Variants in WWOX observed in about 807,000 individuals in gnomAD.
WWOX encodes WW domain-containing oxidoreductase.
A neutral mutation model predicts 46.2 loss-of-function variants in WWOX; 69 were observed. The ratio of observed to expected loss-of-function variants is 1.49; its 90% CI spans 1.23 to 1.82. The LOEUF (loss-of-function observed/expected upper bound fraction) is 1.82. WWOX is among the 40% of genes most tolerant of loss of function. WWOX has a pLI of 0.00. For synonymous variants in WWOX, 359 were observed against 202.6 expected, an observed-to-expected ratio of 1.77 and a Z score of -6.56; for missense variants, 919 against 542.6, an observed-to-expected ratio of 1.69 and a Z score of -6.89.
chr16:79,004,911 T>G (rs2047162210), intron 8 of WWOX, among the ~76,000 whole-genome samples: 2 of 152,178 alleles, frequency 1.3e-5, no homozygotes, highest in African/African-American at 2.4e-5. Flanking sequence ...ACAGCTTAAT[T>G]CTGGCCTTTA....
At chr16:79,117,210 C>A (rs139102980) in intron 8 of WWOX, among the ~76,000 whole-genome samples, 2 of 152,030 alleles carry the variant, frequency 1.3e-5, no homozygotes, top group Non-Finnish European at 2.9e-5. Context: ...ACAATTTCAC[C>A]GTGTTGCCCA....
intron 8 of WWOX, among the ~76,000 whole-genome samples, chr16:78,654,416 C>G (rs552500338): frequency 1.4e-4 from 21 of 152,312 alleles, no homozygotes; most frequent in Admixed American, 7.8e-4. Flanking sequence ...GTACTATGCT[C>G]TATTGAAAAT....
chr16:78,734,968 C>T (rs781729778), intron 8 of WWOX, among the ~76,000 whole-genome samples: 73 of 144,928 alleles, frequency 5.0e-4, no homozygotes, highest in African/African-American at 1.8e-3. Flanking sequence ...CAGGTTCAAG[C>T]GATTCTCCTG....
intron 1 of WWOX, among the ~76,000 whole-genome samples, chr16:78,107,359 G>T (rs562501450): frequency 6.6e-6 from 1 of 152,116 alleles, no homozygotes; most frequent in East Asian, 1.9e-4. Context: ...TAAGTTTGAC[G>T]CAAAAATAGG....
At chr16:78,605,583 T>A (rs545573999) in intron 8 of WWOX, among the ~76,000 whole-genome samples, 2 of 152,320 alleles carry the variant, frequency 1.3e-5, no homozygotes, top group African/African-American at 4.8e-5. Flanking sequence ...AACCAATGCC[T>A]GCCCTTTCTA....
intron 8 of WWOX, among the ~76,000 whole-genome samples, chr16:78,541,996 G>A (rs970646252): frequency 8.8e-6 from 1 of 113,034 alleles, no homozygotes; most frequent in Non-Finnish European, 1.7e-5. Context: ...GTTACCAGAG[G>A]GTTTCTTTCA....
At chr16:78,622,921 G>C (rs2046224681) in intron 8 of WWOX, among the ~76,000 whole-genome samples, 2 of 152,080 alleles carry the variant, frequency 1.3e-5, no homozygotes, top group African/African-American at 4.8e-5. Context: ...TGCTGGCTTT[G>C]AAAAAGTAAG....
chr16:78,392,440 C>G (rs1164009043), intron 6 of WWOX, among the ~76,000 whole-genome samples: 1 of 151,898 alleles, frequency 6.6e-6, no homozygotes, highest in African/African-American at 2.4e-5. Flanking sequence ...ATAACTATTT[C>G]ATTATATATT....
intron 8 of WWOX, among the ~76,000 whole-genome samples, chr16:78,832,818 T>G (rs1363145188): frequency 1.3e-5 from 2 of 152,174 alleles, no homozygotes; most frequent in East Asian, 3.9e-4. Flanking sequence ...TGATATTCAT[T>G]ACAGAACTTC....
intron 8 of WWOX, among the ~76,000 whole-genome samples, chr16:78,937,621 A>G (rs1295829484): frequency 2.0e-5 from 3 of 148,234 alleles, no homozygotes; most frequent in Admixed American, 6.8e-5. Flanking sequence ...TTATTTATTT[A>G]TTTATTTATT....
rs905935776 is a variant in WWOX, at chr16:78,632,815, C to A, written c.1056+200063C>A. ...TCAGGTGATCCACCCGCCTCAGCCT[C>A]CCACAGTGCTGGGGTTGCAGCTGTG... On this transcript the variant is annotated intron_variant, in intron 8 of 8. Transcript: ENST00000566780. Among the ~76,000 whole-genome samples, 9 of 152,130 alleles carry A rather than the reference C, an allele frequency of 5.9e-5. No homozygotes were observed. The East Asian group carries it at 1.8e-3, about 30-fold the overall frequency.
intron 6 of WWOX, among the ~76,000 whole-genome samples, chr16:78,419,512 T>A (rs2082873716): frequency 6.6e-6 from 1 of 150,794 alleles, no homozygotes; most frequent in African/African-American, 2.4e-5. Flanking sequence ...TCAGCAAGGA[T>A]GCCAAGACAA....
At chr16:78,307,025 C>A in intron 5 of WWOX, among the ~76,000 whole-genome samples, 1 of 152,278 alleles carries the variant, frequency 6.6e-6, no homozygotes, top group Non-Finnish European at 1.5e-5. Flanking sequence ...TCCATTATAT[C>A]TTTGTTAGAT....
intron 8 of WWOX, among the ~76,000 whole-genome samples, chr16:78,840,542 G>A (rs1030381884): frequency 1.3e-5 from 2 of 152,112 alleles, no homozygotes; most frequent in Non-Finnish European, 2.9e-5. Flanking sequence ...CATTGTTTAT[G>A]TCAGCATTAA....
At chr16:78,230,156 A>G (rs1215274767) in intron 5 of WWOX, among the ~76,000 whole-genome samples, 1 of 80,092 alleles carries the variant, frequency 1.2e-5, no homozygotes, top group Non-Finnish European at 2.3e-5. Flanking sequence ...TTGGGATTAC[A>G]GGCGTGAGCT....
intron 5 of WWOX, among the ~76,000 whole-genome samples, chr16:78,313,764 C>A (rs1011667277): frequency 2.0e-5 from 3 of 152,304 alleles, no homozygotes; most frequent in African/African-American, 7.2e-5. Context: ...TGAGGCTCTT[C>A]TATTATGGAA....
intron 8 of WWOX, among the ~76,000 whole-genome samples, chr16:79,049,189 T>C (rs1028252959): frequency 3.3e-5 from 5 of 152,186 alleles, no homozygotes; most frequent in African/African-American, 1.2e-4. Context: ...CCAGTGTAAC[T>C]CAAAAGCAGC....
intron 8 of WWOX, among the ~76,000 whole-genome samples, chr16:78,990,867 G>T (rs1159954173): frequency 6.6e-6 from 1 of 152,146 alleles, no homozygotes; most frequent in East Asian, 1.9e-4. Flanking sequence ...TTTTTAAAAG[G>T]AGACAAAACA....
chr16:78,221,578 G>T (rs1170166081), intron 5 of WWOX, among the ~76,000 whole-genome samples: 1 of 152,150 alleles, frequency 6.6e-6, no homozygotes, highest in Non-Finnish European at 1.5e-5. Flanking sequence ...AAGAGAAGTA[G>T]ATAAGAAAAA....
Sources: gnomAD v4.1 joint callset for allele counts (sites outside exome capture counted in the v4.1 genomes callset) on GRCh38, gnomAD v4.1.1 for gene constraint, MANE v1.5 for transcripts, NCBI Gene and HGNC (gene_info 2026-07-23, HGNC 2026-07-21) for gene names.